MBOAT1: variants seen among roughly 807,000 people sequenced by gnomAD.
MBOAT1 encodes the protein membrane-bound glycerophospholipid O-acyltransferase 1.
A neutral mutation model predicts 64.4 loss-of-function variants in MBOAT1; 67 were observed. That is an observed-to-expected ratio of 1.04 (90% confidence interval 0.85 to 1.27). MBOAT1 has a LOEUF of 1.27. Ranked by LOEUF, MBOAT1 falls within the 50% of genes most tolerant of loss-of-function variation. The pLI is 0.00. For missense variants in MBOAT1, 563 were observed against 604.6 expected (o/e 0.93, Z 0.72); for synonymous variants, 229 against 218.9 (o/e 1.05, Z -0.41).
intron 1 of MBOAT1, among the ~76,000 whole-genome samples, chr6:20,172,826 C>A (rs1168380637): frequency 3.3e-5 from 5 of 152,178 alleles, no homozygotes; most frequent in African/African-American, 4.8e-5. Context: ...CGTGATTTAG[C>A]TTCCTTGGAT....
intron 3 of MBOAT1, among the ~76,000 whole-genome samples, chr6:20,145,710 A>T (rs1301232211): frequency 6.6e-6 from 1 of 152,190 alleles, no homozygotes; most frequent in East Asian, 1.9e-4. Flanking sequence ...TGCACTGCTC[A>T]TGTTCCACAA....
intron 3 of MBOAT1, among the ~76,000 whole-genome samples, chr6:20,145,034 A>G (rs1761291072): frequency 6.6e-6 from 1 of 152,206 alleles, no homozygotes; most frequent in Non-Finnish European, 1.5e-5. Flanking sequence ...ACATCCACAT[A>G]TAAGTACTTG....
intron 6 of MBOAT1, among the ~76,000 whole-genome samples, chr6:20,127,768 G>T (rs184969364): frequency 2.6e-5 from 4 of 151,968 alleles, no homozygotes; most frequent in African/African-American, 4.8e-5. Flanking sequence ...TATATATTAC[G>T]ATGTAATAAC....
chr6:20,110,760 CTTT>C (rs1258824063), intron 11 of MBOAT1, among the ~76,000 whole-genome samples: 4 of 152,012 alleles, frequency 2.6e-5, no homozygotes, highest in Admixed American at 2.0e-4. Flanking sequence ...ATATCATGCA[CTTT>C]TTTCCATGCC....
chr6:20,117,622 A>G lies in MBOAT1; in HGVS notation c.1011+815T>C, dbSNP rs1007672385. Among the ~76,000 whole-genome samples the G allele has an allele frequency of 5.9e-5, 9 of 152,096 alleles. No individual in the cohort carries two copies. In the East Asian group the frequency reaches 1.7e-3, roughly 29 times the overall value. Reference sequence around the variant, plus strand: ...CGTGGGTGGCAGGTGGTCAGTTTCTACTATCTCTGGCTTCTTGCTCTACAC... The same window carrying G: ...CGTGGGTGGCAGGTGGTCAGTTTCTGCTATCTCTGGCTTCTTGCTCTACAC... On this transcript the variant is annotated intron_variant, in intron 9 of 12. Transcript: ENST00000324607.
intron 1 of MBOAT1, among the ~76,000 whole-genome samples, chr6:20,178,015 A>G (rs2113736341): frequency 6.6e-6 from 1 of 152,252 alleles, no homozygotes; most frequent in South Asian, 2.1e-4. Context: ...GTCACTCGCA[A>G]GACTCGTGTC....
At chr6:20,113,117 T>G (rs1345633844) in intron 10 of MBOAT1, 109 bp from the exon 11 acceptor site, 10 of 1,334,180 alleles carry the variant, frequency 7.5e-6, no homozygotes, top group Non-Finnish European at 9.1e-6. Flanking sequence ...TTGTTACTGA[T>G]GAGATGCCTC....
intron 1 of MBOAT1, among the ~76,000 whole-genome samples, chr6:20,181,730 C>T (rs560925243): frequency 3.9e-5 from 6 of 152,286 alleles, no homozygotes; most frequent in African/African-American, 1.4e-4. Flanking sequence ...GGAGGGTGCA[C>T]GCCTGCATGG....
At chr6:20,181,326 T>G (rs1762501953) in intron 1 of MBOAT1, among the ~76,000 whole-genome samples, 1 of 152,186 alleles carries the variant, frequency 6.6e-6, no homozygotes, top group Admixed American at 6.5e-5. Context: ...CTGGCCCATT[T>G]CACCTGCCCA....
chr6:20,160,891 CT>C (rs1273616791), intron 1 of MBOAT1, among the ~76,000 whole-genome samples: 1 of 152,280 alleles, frequency 6.6e-6, no homozygotes, highest in East Asian at 1.9e-4. Flanking sequence ...AAAGAGCCTT[CT>C]TTTTCCCAGT....
At chr6:20,118,307 C>T in intron 9 of MBOAT1, 130 bp downstream of exon 9, 1 of 706,482 alleles carries the variant, frequency 1.4e-6, no homozygotes, top group East Asian at 2.8e-5. Flanking sequence ...CAGTAGGCTG[C>T]TGAGCCTGGC....
At chr6:20,138,975 C>T (rs945973447) in intron 4 of MBOAT1, among the ~76,000 whole-genome samples, 6 of 152,170 alleles carry the variant, frequency 3.9e-5, no homozygotes, top group Non-Finnish European at 7.3e-5. Flanking sequence ...GTCTGCATTA[C>T]TCCAATGTCG....
chr6:20,151,356 G>T, intron 2 of MBOAT1, 94 bp from the exon 3 acceptor site: 1 of 782,856 alleles, frequency 1.3e-6, no homozygotes, highest in Non-Finnish European at 2.1e-6. Context: ...CACTACCCCT[G>T]CCAAAAACAC....
chr6:20,172,008 G>A (rs1217051190), intron 1 of MBOAT1, among the ~76,000 whole-genome samples: 1 of 152,068 alleles, frequency 6.6e-6, no homozygotes, highest in Non-Finnish European at 1.5e-5. Context: ...ACTCTAGCCT[G>A]GGAGGCAGAG....
chr6:20,138,095 T>C (rs140407535), intron 4 of MBOAT1, among the ~76,000 whole-genome samples: 9 of 152,316 alleles, frequency 5.9e-5, no homozygotes, highest in African/African-American at 2.2e-4. Flanking sequence ...GGTTGGTATG[T>C]ACTCTCCATG....
chr6:20,113,908 A>G (rs1205579342), intron 10 of MBOAT1, among the ~76,000 whole-genome samples: 1 of 152,162 alleles, frequency 6.6e-6, no homozygotes, highest in Non-Finnish European at 1.5e-5. Flanking sequence ...TGGGTGGTCA[A>G]CAGTAACCGA....
At chr6:20,167,480 T>C (rs1275968867) in intron 1 of MBOAT1, among the ~76,000 whole-genome samples, 2 of 152,228 alleles carry the variant, frequency 1.3e-5, no homozygotes, top group African/African-American at 4.8e-5. Flanking sequence ...TTAATTTTAA[T>C]TTGCATTTTC....
intron 4 of MBOAT1, among the ~76,000 whole-genome samples, chr6:20,141,363 T>TTC (rs61154917): frequency 0.12 from 14,814 of 120,986 alleles, 895 homozygotes; most frequent in East Asian, 0.42. Context: ...CTTTTTCTTT[T>TTC]TTTTTTTTTT....
intron 1 of MBOAT1, among the ~76,000 whole-genome samples, chr6:20,175,590 G>A (rs1047066798): frequency 3.3e-5 from 5 of 151,450 alleles, no homozygotes; most frequent in Non-Finnish European, 2.9e-5. Context: ...GGAACTACAG[G>A]CACACGTCGC....
Sources: allele counts gnomAD v4.1 joint callset (sites outside exome capture counted in the v4.1 genomes callset), GRCh38; gene constraint gnomAD v4.1.1; transcripts MANE v1.5; gene names NCBI Gene and HGNC (gene_info 2026-07-23, HGNC 2026-07-21).